The following FKBP15 variants were observed in gnomAD, a reference collection of about 807,000 sequenced individuals.
FKBP15 encodes the protein FKBP prolyl isomerase family member 15, also known as FK506-binding protein 15.
Under a neutral mutation model 158.1 loss-of-function variants are expected in FKBP15, and 106 were observed. That is an observed-to-expected ratio of 0.67 (90% CI 0.57 to 0.79). FKBP15 has a LOEUF of 0.79. Ranked by LOEUF, FKBP15 falls within the 30% of genes least tolerant of loss-of-function variation. The pLI, the probability that FKBP15 is intolerant of heterozygous loss-of-function variation, is 0.00. For synonymous variants in FKBP15, 547 were observed against 548.6 expected, an observed-to-expected ratio of 1.00 and a Z score of 0.04; for missense variants, 1,287 against 1,479.1, an observed-to-expected ratio of 0.87 and a Z score of 2.13.
rs114054992 is a variant in FKBP15 at position 113,194,126 on chromosome 9, C to G, written c.908G>C (p.Ser303Thr). The G allele has an allele frequency of 1.5e-3, 2,388 of 1,613,122 alleles. 35 individuals are homozygous for G. The African/African-American group carries it at 0.027, about 18-fold the overall frequency. The part of the protein sequence containing the change: ...RDSGSDGHSV[S>T]SRDSAAPSPI... ...AGACGGAGCTGCAGAATCGCGGGAA[C>G]TAACACTGTGACCATCAGAGCCAGA... The change falls in exon 10 of 28, where the codon AGT (serine) becomes ACT (threonine). Residue 303 changes from serine (S) to threonine (T), a missense_variant. Physicochemically the swap from Ser to Thr is moderately conservative, Grantham distance 58. Transcript: ENST00000238256.
At chr9:113,173,271 AG>A (rs1830245203) in intron 23 of FKBP15, among the ~76,000 whole-genome samples, 181 bp downstream of exon 23, 1 of 152,316 alleles carries the variant, frequency 6.6e-6, no homozygotes, top group African/African-American at 2.4e-5. Flanking sequence ...CTCTTTTTCC[AG>A]GTCACTGACC....
chr9:113,183,622 A>T, intron 18 of FKBP15, 129 bp downstream of exon 18: 1 of 642,966 alleles, frequency 1.6e-6, no homozygotes, highest in Non-Finnish European at 2.7e-6. Flanking sequence ...AATAATTCAC[A>T]TGACAGGCAG....
At chr9:113,182,902 TC>T in intron 18 of FKBP15, 34 bp from the exon 19 acceptor site, 1 of 1,561,922 alleles carries the variant, frequency 6.4e-7, no homozygotes, top group South Asian at 1.1e-5. Context: ...AAAACATTTA[TC>T]AAGCACTGAG....
intron 7 of FKBP15, among the ~76,000 whole-genome samples, chr9:113,199,226 CA>C (rs1254981908): frequency 6.6e-6 from 1 of 152,182 alleles, no homozygotes; most frequent in Non-Finnish European, 1.5e-5. Context: ...TTGATGCTGA[CA>C]CTAACCCTGC....
Position 113,163,012 on chromosome 9 carries a change from T to C in FKBP15, c.*3066A>G, listed in dbSNP as rs1028523864. On this transcript the variant is annotated 3_prime_UTR_variant, in exon 28 of 28. Transcript: ENST00000238256. ...AACTGCCCTTTCTTCTGATGGCTAT[T>C]CCTCCACCTTATTCCCAGCCCCTGG... is the stretch of plus-strand genomic sequence containing the variant. 8.5e-7 allele frequency: 1 copy of C among 1,179,390 alleles called. No individual in the cohort carries two copies. Among genetic ancestry groups the C allele is most frequent in the Non-Finnish European group, 1.2e-6 (1 of 869,046 alleles). 73.1% of individuals were successfully genotyped at this position (1,179,390 alleles called of 1,614,324 possible). A position where few individuals can be genotyped will look rare whatever the true frequency, so the allele number is the denominator to read the frequency against.
Position 113,178,665 on chromosome 9 carries a change from CT to C in FKBP15, c.2050del (p.Arg684GlyfsTer39). ...TESLKETDLL[R>X]GQLTKVQAKL... ...TGCCTGCACTTTGGTGAGCTGGCCC[CT>C]GAGAAGATCTGTCTCCTTCAGGCTT... On this transcript the variant is annotated frameshift_variant, in exon 20 of 28. Coordinates refer to ENST00000238256, the MANE Select transcript of FKBP15 (RefSeq NM_015258.2). LOFTEE classifies it high-confidence loss of function. 2 of 1,610,268 alleles carry C rather than the reference CT, an allele frequency of 1.2e-6. No homozygotes were observed. The highest frequency in any genetic ancestry group is 1.7e-6 in the Non-Finnish European group (2 of 1,178,536).
In FKBP15 at chr9:113,165,923, CAGA is replaced by C. The variant is rs1830091393; in HGVS notation, c.*152_*154del. On this transcript the variant is annotated 3_prime_UTR_variant, in exon 28 of 28. Transcript: ENST00000238256. ...CACCAGGTCTGGCGGGGGTGGGGCT[CAGA>C]AGGTGGCCAACCCACCCTCTGAGCC... is the stretch of plus-strand genomic sequence containing the variant. 2 of 594,186 alleles carry C rather than the reference CAGA, an allele frequency of 3.4e-6. No individual in the cohort carries two copies. The highest frequency in any genetic ancestry group is 1.9e-5 in the African/African-American group (1 of 53,534). 36.8% of individuals were successfully genotyped at this position (594,186 alleles called of 1,614,324 possible). A position where few individuals can be genotyped will look rare whatever the true frequency, so the allele number is the denominator to read the frequency against.
chr9:113,210,907 T>C (rs1830988477), intron 2 of FKBP15, among the ~76,000 whole-genome samples: 1 of 152,196 alleles, frequency 6.6e-6, no homozygotes, highest in Non-Finnish European at 1.5e-5. Context: ...GGACTTACAC[T>C]AGCGGTTGGC....
At chr9:113,179,386 G>A (rs559590720) in intron 19 of FKBP15, among the ~76,000 whole-genome samples, 134 of 152,210 alleles carry the variant, frequency 8.8e-4, no homozygotes, top group Middle Eastern at 3.4e-3. Context: ...AATAAAGGCC[G>A]GGCGCAGTGG....
Position 113,162,057 on chromosome 9 carries a change from G to A in FKBP15, c.*4021C>T. 2.7e-6 allele frequency: 1 copy of A among 368,096 alleles called. No homozygotes were observed. Among genetic ancestry groups the A allele is most frequent in the Non-Finnish European group, 5.1e-6 (1 of 194,608 alleles). 22.8% of individuals were successfully genotyped at this position (368,096 alleles called of 1,614,324 possible). ...CATATCCAGGAGGGGATCTGCAGCT[G>A]TCCTGAAGCAATGTATCCCACTTGG... On this transcript the variant is annotated 3_prime_UTR_variant, in exon 28 of 28. Transcript: ENST00000238256.
At chr9:113,180,507 A>ACAGCGGATGGGATGGCT in intron 19 of FKBP15, among the ~76,000 whole-genome samples, 1 of 151,318 alleles carries the variant, frequency 6.6e-6, no homozygotes, top group Admixed American at 6.6e-5. Context: ...AAAAATCTAC[A>ACAGCGGATGGGATGGCT]CCCTGGTTCC....
rs1172517374 is a variant in FKBP15, at chr9:113,161,169, T to C, written c.*4909A>G. ...TTTATCTTTCCTTCCAGACATTTTT[T>C]GCATACTTACATATAAATAGGACCT... On this transcript the variant is annotated 3_prime_UTR_variant, in exon 28 of 28. Transcript: ENST00000238256. 1 of 224,290 alleles carries C rather than the reference T, an allele frequency of 4.5e-6. No homozygotes were observed. The highest frequency in any genetic ancestry group is 8.6e-6 in the Non-Finnish European group (1 of 116,850). The allele number at this position is 224,290 out of a possible 1,614,324, so 13.9% of individuals were successfully genotyped here. A position where few individuals can be genotyped will look rare whatever the true frequency, so the allele number is the denominator to read the frequency against.
intron 2 of FKBP15, 89 bp from the exon 3 acceptor site, chr9:113,207,385 G>GC (rs35195244): frequency 3.1e-6 from 3 of 969,506 alleles, no homozygotes; most frequent in Admixed American, 3.9e-5. Flanking sequence ...TGTCACCCAG[G>GC]CTGGAGTGCA....
chr9:113,203,548 G>A (rs7865650), intron 4 of FKBP15, among the ~76,000 whole-genome samples: 2 of 138,244 alleles, frequency 1.4e-5, no homozygotes, highest in South Asian at 4.7e-4. Context: ...TTTTCTTTTT[G>A]AGACAGAGTC....
In FKBP15 at chr9:113,202,566, C is replaced by A; in HGVS notation, c.463G>T (p.Glu155Ter). 1 of 1,585,442 alleles carries A rather than the reference C, an allele frequency of 6.3e-7. No individual in the cohort carries two copies. The highest frequency in any genetic ancestry group is 1.2e-5 in the South Asian group (1 of 86,600). ...DQRQNWSIMFESEKAAVEFNK... is the reference protein window; with the variant it reads ...DQRQNWSIMF Reference sequence around the variant, plus strand: ...AACTCCACAGCAGCCTTTTCCGACTCAAACATGATGGACCAGTTCTGTCTC... The same window carrying A: ...AACTCCACAGCAGCCTTTTCCGACTAAAACATGATGGACCAGTTCTGTCTC... The change falls in exon 6 of 28, where the codon GAG (glutamate) becomes TAG (stop). Residue 155 changes from glutamate (E) to a stop codon, truncating the protein, a stop_gained. Coordinates refer to ENST00000238256, the MANE Select transcript of FKBP15 (RefSeq NM_015258.2). LOFTEE classifies it high-confidence loss of function.
intron 12 of FKBP15, among the ~76,000 whole-genome samples, chr9:113,188,788 C>T (rs1830525948): frequency 6.6e-6 from 1 of 152,164 alleles, no homozygotes; most frequent in South Asian, 2.1e-4. Flanking sequence ...ACTAACCACT[C>T]TTCAGAATGT....
intron 1 of FKBP15, among the ~76,000 whole-genome samples, 173 bp downstream of exon 1, chr9:113,221,018 G>A (rs1831241625): frequency 6.6e-6 from 1 of 152,172 alleles, no homozygotes; most frequent in Non-Finnish European, 1.5e-5. Context: ...AGATCGGCAG[G>A]GTCAGCACAG....
intron 18 of FKBP15, 92 bp downstream of exon 18, chr9:113,183,659 G>C (rs745980598): frequency 2.5e-6 from 2 of 795,786 alleles, no homozygotes; most frequent in Admixed American, 2.4e-5. Flanking sequence ...AAATACATAC[G>C]TACTGCCCTA....
chr9:113,211,998 A>AT (rs1831016487), intron 1 of FKBP15, among the ~76,000 whole-genome samples: 1 of 151,946 alleles, frequency 6.6e-6, no homozygotes, highest in Non-Finnish European at 1.5e-5. Flanking sequence ...ACCCTTACTG[A>AT]CTACTCCCCC....
Sources: gnomAD v4.1 joint callset for allele counts (sites outside exome capture counted in the v4.1 genomes callset) on GRCh38, gnomAD v4.1.1 for gene constraint, MANE v1.5 for transcripts, NCBI Gene and HGNC (gene_info 2026-07-23, HGNC 2026-07-21) for gene names.